Variants in MYT1L observed in about 807,000 individuals in gnomAD.
MYT1L encodes the protein myelin transcription factor 1-like protein.
Under a neutral mutation model 126.7 loss-of-function variants are expected in MYT1L, and 12 were observed. The ratio of observed to expected loss-of-function variants is 0.09; its 90% CI spans 0.06 to 0.15. MYT1L has a LOEUF of 0.15. Ranked by LOEUF, MYT1L falls within the 10% of genes least tolerant of loss-of-function variation. MYT1L has a pLI of 1.00. For synonymous variants in MYT1L, 541 were observed against 604.2 expected (o/e 0.90, Z 1.53); for missense variants, 979 against 1,585.2 (o/e 0.62, Z 6.49).
intron 22 of MYT1L, among the ~76,000 whole-genome samples, chr2:1,805,561 A>G (rs1004560412): frequency 6.6e-6 from 1 of 152,072 alleles, no homozygotes; most frequent in Non-Finnish European, 1.5e-5. Context: ...AGAGCAACAC[A>G]GGGGGCAACA....
intron 21 of MYT1L, among the ~76,000 whole-genome samples, chr2:1,831,309 C>T (rs1256370951): frequency 6.6e-6 from 1 of 150,696 alleles, no homozygotes; most frequent in Non-Finnish European, 1.5e-5. Context: ...CTGACCTCCA[C>T]CAAGATCTGT....
intron 4 of MYT1L, among the ~76,000 whole-genome samples, chr2:2,032,920 T>C (rs1000956705): frequency 7.2e-6 from 1 of 138,598 alleles, no homozygotes; most frequent in African/African-American, 2.8e-5. Context: ...AAGGAGGGCC[T>C]TATACACACC....
chr2:1,840,788 C>T lies in MYT1L; in HGVS notation c.2830G>A (p.Glu944Lys). Residue 944 changes from glutamate to lysine, a missense_variant, in exon 20 of 25, where the codon GAA becomes AAA. By Grantham distance (56) the Glu-to-Lys change is moderately conservative. This residue lies in a region of MYT1L where 179 missense variants were observed against 398.6 expected (regional missense o/e 0.45). Transcript: ENST00000647738. ...KSGIRIAQSKEDKEDQEPIRC... is the reference protein window; with the variant it reads ...KSGIRIAQSKKDKEDQEPIRC... ...ATGGGTTCTTGATCTTCTTTATCTT[C>T]TTTGCTCTGTGCTATCCTGATACCA... 6.4e-7 allele frequency: 1 copy of T among 1,551,010 alleles called. No individual in the cohort carries two copies. The highest frequency in any genetic ancestry group is 8.7e-7 in the Non-Finnish European group (1 of 1,146,972).
At chr2:1,978,143 G>T (rs1458613353) in intron 8 of MYT1L, among the ~76,000 whole-genome samples, 1 of 152,104 alleles carries the variant, frequency 6.6e-6, no homozygotes, top group Non-Finnish European at 1.5e-5. Flanking sequence ...TTTTACTAAA[G>T]AACAATCAAA....
intron 3 of MYT1L, among the ~76,000 whole-genome samples, chr2:2,107,810 G>A (rs1454759273): frequency 6.6e-6 from 1 of 152,136 alleles, no homozygotes; most frequent in Non-Finnish European, 1.5e-5. Flanking sequence ...GTTTCAGCAT[G>A]GGAGAATAGG....
At chr2:1,809,525 T>C (rs575923652) in intron 21 of MYT1L, among the ~76,000 whole-genome samples, 1 of 152,242 alleles carries the variant, frequency 6.6e-6, no homozygotes, top group Non-Finnish European at 1.5e-5. Context: ...TGCTTAAAAA[T>C]CTTTATTATG....
At chr2:2,128,204 A>C (rs1362416752) in intron 3 of MYT1L, among the ~76,000 whole-genome samples, 1 of 152,160 alleles carries the variant, frequency 6.6e-6, no homozygotes. Flanking sequence ...GCTGGAGTGC[A>C]GTAGTGTATT....
chr2:2,117,191 G>A (rs997375506), intron 3 of MYT1L, among the ~76,000 whole-genome samples: 1 of 152,176 alleles, frequency 6.6e-6, no homozygotes, highest in African/African-American at 2.4e-5. Context: ...CGTCATTGAT[G>A]TCTTTCACTT....
At chr2:1,860,143 C>A (rs917583550) in intron 18 of MYT1L, among the ~76,000 whole-genome samples, 2 of 152,212 alleles carry the variant, frequency 1.3e-5, no homozygotes, top group Admixed American at 1.3e-4. Flanking sequence ...AGGCTCCTGT[C>A]CAGTGCGGCA....
At chr2:2,075,426 A>T (rs750816263) in intron 3 of MYT1L, among the ~76,000 whole-genome samples, 2 of 152,172 alleles carry the variant, frequency 1.3e-5, no homozygotes, top group African/African-American at 2.4e-5. Context: ...CTAGGTTAAG[A>T]GTTGCCATCT....
intron 4 of MYT1L, among the ~76,000 whole-genome samples, chr2:2,038,119 G>A (rs79809139): frequency 0.069 from 10,449 of 152,220 alleles, 449 homozygotes; most frequent in Non-Finnish European, 0.097. Context: ...ACTACAATAC[G>A]TGCTCGCTGA....
intron 4 of MYT1L, among the ~76,000 whole-genome samples, chr2:2,026,207 C>T (rs1420175536): frequency 6.6e-6 from 1 of 152,224 alleles, no homozygotes; most frequent in Non-Finnish European, 1.5e-5. Flanking sequence ...TTTACGGCTT[C>T]ACCCTATGCC....
At chr2:1,958,551 G>A (rs112439452) in intron 8 of MYT1L, among the ~76,000 whole-genome samples, 4 of 152,210 alleles carry the variant, frequency 2.6e-5, no homozygotes, top group African/African-American at 9.6e-5. Flanking sequence ...GAATCGGGGG[G>A]CCTTGAAGAG....
intron 1 of MYT1L, among the ~76,000 whole-genome samples, chr2:2,310,971 G>A (rs756176417): frequency 1.3e-5 from 2 of 152,138 alleles, no homozygotes; most frequent in Non-Finnish European, 2.9e-5. Context: ...CAAACAAATA[G>A]AAAAATGAAG....
At chr2:2,072,560 C>G (rs1019348677) in intron 3 of MYT1L, among the ~76,000 whole-genome samples, 1 of 152,134 alleles carries the variant, frequency 6.6e-6, no homozygotes, top group Admixed American at 6.5e-5. Context: ...TTACAAATAA[C>G]AGTTTATTTC....
intron 9 of MYT1L, 29 bp from the exon 10 acceptor site, chr2:1,923,292 G>T: frequency 6.5e-7 from 1 of 1,529,860 alleles, no homozygotes; most frequent in East Asian, 2.4e-5. Context: ...AGACAAAAAA[G>T]AAAAGAAAAG....
At chr2:1,817,765 A>G (rs575299113) in intron 21 of MYT1L, among the ~76,000 whole-genome samples, 74 of 152,284 alleles carry the variant, frequency 4.9e-4, no homozygotes, top group African/African-American at 1.8e-3. Flanking sequence ...TCAGCCAAGG[A>G]GGTCAGCCCA....
intron 3 of MYT1L, among the ~76,000 whole-genome samples, chr2:2,148,950 C>G (rs1319549123): frequency 1.3e-5 from 2 of 152,176 alleles, no homozygotes; most frequent in South Asian, 4.1e-4. Context: ...CCTCCCCCTG[C>G]TCCAGTAAGA....
intron 3 of MYT1L, among the ~76,000 whole-genome samples, chr2:2,079,521 C>A (rs1027713083): frequency 2.0e-5 from 3 of 152,156 alleles, no homozygotes; most frequent in Non-Finnish European, 4.4e-5. Flanking sequence ...GAAAACAAAT[C>A]TTGGCCTGGT....
Sources: allele counts gnomAD v4.1 joint callset (sites outside exome capture counted in the v4.1 genomes callset), GRCh38; gene constraint gnomAD v4.1.1; regional missense constraint gnomAD v4.1.1; transcripts MANE v1.5; gene names NCBI Gene and HGNC (gene_info 2026-07-23, HGNC 2026-07-21).